Variants in SYNE4 observed in about 807,000 individuals in gnomAD.
SYNE4 encodes spectrin repeat containing nuclear envelope family member 4.
In SYNE4, 41 loss-of-function variants were observed where a neutral mutation model predicts 46.9. That is an observed-to-expected ratio of 0.87 (90% CI 0.68 to 1.13). The LOEUF (loss-of-function observed/expected upper bound fraction) is 1.13, where lower values mean the gene tolerates loss of function less well. Ranked by LOEUF, SYNE4 falls within the 50% of genes most tolerant of loss-of-function variation. The pLI, the probability that SYNE4 is intolerant of heterozygous loss-of-function variation, is 0.00. For missense variants in SYNE4, 492 were observed against 514.8 expected (o/e 0.96, Z 0.43); for synonymous variants, 221 against 219.5 (o/e 1.01, Z -0.06).
rs745908281 is a variant in SYNE4 at position 36,008,624 on chromosome 19, G to A, written c.58C>T (p.Pro20Ser). 3.7e-6 allele frequency: 6 copies of A among 1,614,092 alleles called. No individual in the cohort carries two copies. Among genetic ancestry groups the A allele is most frequent in the South Asian group, 1.1e-5 (1 of 91,086 alleles). The change falls in exon 1 of 8, where the codon CCG becomes TCG. Residue 20 changes from proline (P) to serine (S), a missense_variant. Physicochemically the swap from Pro to Ser is moderately conservative, Grantham distance 74. Coordinates refer to ENST00000324444, the MANE Select transcript of SYNE4 (RefSeq NM_001039876.3). ...RLGSEPLNHP[P>S]GAPREADIVG... ...ATGTCCGCCTCTCTAGGTGCTCCCG[G>A]TGGGTGGTTGAGGGGCTCTGAGCCA...
At position 36,003,666 on chromosome 19, in the gene SYNE4, C is replaced by T. The variant is rs748131078; in HGVS notation, c.978G>A (p.Lys326=). The part of the protein sequence containing the change: ...RHSLLRKPQD[K]KRQASPHLQD... ...GGAGATGAGGAGATGCTTGCCTCTT[C>T]TTGTCCTAAGGAGGGAGAGCAGCCA... is the stretch of plus-strand genomic sequence containing the variant. The change falls in exon 7 of 8, where the codon AAG becomes AAA. Residue 326 remains lysine (K), a synonymous_variant. Coordinates refer to ENST00000324444, the MANE Select transcript of SYNE4 (RefSeq NM_001039876.3). 6.2e-7 allele frequency: 1 copy of T among 1,612,778 alleles called. No individual in the cohort carries two copies. Among genetic ancestry groups the T allele is most frequent in the Non-Finnish European group, 8.5e-7 (1 of 1,179,574 alleles).
rs771594212 is a variant in SYNE4 at position 36,008,206 on chromosome 19, C to G, written c.279+11G>C. 1 of 1,607,698 alleles carries G rather than the reference C, an allele frequency of 6.2e-7. No individual in the cohort carries two copies. The highest frequency in any genetic ancestry group is 1.1e-5 in the South Asian group (1 of 90,224). On this transcript the variant is annotated intron_variant, in intron 2 of 7. Transcript: ENST00000324444. Reference sequence around the variant, plus strand: ...GGGCTGGCACAAGGGGTCTGGGTCACCTCAGCTCACCTCACAGTGTTTGCC... The same window carrying G: ...GGGCTGGCACAAGGGGTCTGGGTCAGCTCAGCTCACCTCACAGTGTTTGCC...
chr19:36,006,020 AAAAAT>A (rs1205986471), intron 5 of SYNE4: 2 of 163,916 alleles, frequency 1.2e-5, no homozygotes, highest in African/African-American at 4.8e-5. Context: ...CTCCATCTCA[AAAAAT>A]AAATAAAAAT....
Position 36,005,518 on chromosome 19 carries a change from CA to C in SYNE4, c.868-82del, listed in dbSNP as rs1976819799. ...TCATAGAGATGAGATTCTGGGGGAG[CA>C]GAGAGATCTCACAGGACAGACAAAG... is the stretch of plus-strand genomic sequence containing the variant. On this transcript the variant is annotated intron_variant, in intron 5 of 7. Transcript: ENST00000324444. 4.6e-6 allele frequency: 6 copies of C among 1,314,916 alleles called. No homozygotes were observed. The African/African-American group carries it at 7.3e-5, about 16-fold the overall frequency. 81.5% of individuals were successfully genotyped at this position (1,314,916 alleles called of 1,614,324 possible). A position where few individuals can be genotyped will look rare whatever the true frequency, so the allele number is the denominator to read the frequency against.
rs1375352434 is a variant in SYNE4, at chr19:36,003,672, C to G, written c.973-1G>C. 1 of 1,612,308 alleles carries G rather than the reference C, an allele frequency of 6.2e-7. No individual in the cohort carries two copies. Among genetic ancestry groups the G allele is most frequent in the Middle Eastern group, 1.7e-4 (1 of 6,014 alleles). ...GAGGAGATGCTTGCCTCTTCTTGTC[C>G]TAAGGAGGGAGAGCAGCCAGCAGCA... On this transcript the variant is annotated splice_acceptor_variant, in intron 6 of 7. Transcript: ENST00000324444. LOFTEE classifies it high-confidence loss of function.
chr19:36,006,023 A>C (rs774614216), intron 5 of SYNE4: 36 of 166,564 alleles, frequency 2.2e-4, no homozygotes, highest in Non-Finnish European at 2.8e-4. Context: ...CATCTCAAAA[A>C]ATAAATAAAA....
At chr19:36,005,551 C>A (rs1976820908) in intron 5 of SYNE4, 114 bp from the exon 6 acceptor site, 1 of 838,822 alleles carries the variant, frequency 1.2e-6, no homozygotes, top group Non-Finnish European at 1.9e-6. Flanking sequence ...AAAGGCAGAG[C>A]CAAAGAAACC....
At position 36,008,655 on chromosome 19, in the gene SYNE4, A is replaced by G. The variant is rs547543775; in HGVS notation, c.27T>C (p.Pro9=). The G allele has an allele frequency of 1.2e-6, 2 of 1,613,464 alleles. No homozygotes were observed. The highest frequency in any genetic ancestry group is 2.2e-5 in the South Asian group (2 of 90,988). The change falls in exon 1 of 8, where the codon CCT becomes CCC. Residue 9 remains proline, a synonymous_variant. Coordinates refer to ENST00000324444, the MANE Select transcript of SYNE4 (RefSeq NM_001039876.3). MALSLPLG[P]RLGSEPLNHP... is the part of the protein sequence containing the mutation. ...GGTTGAGGGGCTCTGAGCCAAGTCT[A>G]GGGCCCAGAGGCAGGGACAGGGCCA...
chr19:36,005,440 G>A lies in SYNE4; in HGVS notation c.868-3C>T. The A allele has an allele frequency of 6.2e-7, 1 of 1,613,886 alleles. No homozygotes were observed. Among genetic ancestry groups the A allele is most frequent in the Non-Finnish European group, 8.5e-7 (1 of 1,179,876 alleles). ...CGGGAGTGAGAGGTGTCTGCTTCCT[G>A]GAGAACCAGCAACAAAGAAAAACGT... is the stretch of plus-strand genomic sequence containing the variant. On this transcript the variant is annotated splice_region_variant and splice_polypyrimidine_tract_variant and intron_variant, in intron 5 of 7. Coordinates refer to ENST00000324444, the MANE Select transcript of SYNE4 (RefSeq NM_001039876.3).
chr19:36,006,558 G>T lies in SYNE4; in HGVS notation c.732C>A (p.Ser244=). 6.2e-7 allele frequency: 1 copy of T among 1,607,170 alleles called. No individual in the cohort carries two copies. Among genetic ancestry groups the T allele is most frequent in the South Asian group, 1.1e-5 (1 of 90,004 alleles). ...CCGCCGGATCCCACTCCAACTCTGT[G>T]GAAGTGGGGAGGCTACTGGGTGCCC... ...GPWAPSSLPT[S]TELEWDPAGD... Residue 244 remains serine (S), a synonymous_variant, in exon 5 of 8, where the codon TCC becomes TCA. Transcript: ENST00000324444.
chr19:36,006,339 G>A, intron 5 of SYNE4, 84 bp downstream of exon 5: 1 of 1,483,742 alleles, frequency 6.7e-7, no homozygotes, highest in Middle Eastern at 2.6e-4. Flanking sequence ...ACACCTCCTT[G>A]GAAGGGCAGG....
At position 36,008,757 on chromosome 19, in the gene SYNE4, GCT is replaced by G; in HGVS notation, c.-78_-77del. On this transcript the variant is annotated 5_prime_UTR_variant, in exon 1 of 8. Coordinates refer to ENST00000324444, the MANE Select transcript of SYNE4 (RefSeq NM_001039876.3). ...CTTCCCTAGACAAGGGTGTCCCAGA[GCT>G]CCTCCGCTGGAGTCACCCGGGCCTG... The G allele has an allele frequency of 6.7e-7, 1 of 1,495,968 alleles. No individual in the cohort carries two copies. The highest frequency in any genetic ancestry group is 8.9e-7 in the Non-Finnish European group (1 of 1,121,988). 92.7% of individuals were successfully genotyped at this position (1,495,968 alleles called of 1,614,324 possible).
Position 36,007,219 on chromosome 19 carries a change from T to A in SYNE4, c.329A>T (p.His110Leu). 4.4e-6 allele frequency: 7 copies of A among 1,589,380 alleles called. No homozygotes were observed. Among genetic ancestry groups the A allele is most frequent in the Non-Finnish European group, 6.0e-6 (7 of 1,168,552 alleles). ...EVLEAEQNSLHLCLLGLGRRL... is the reference protein window; with the variant it reads ...EVLEAEQNSLLLCLLGLGRRL... ...GCGGCCCAGCCCCAGCAGGCACAGG[T>A]GCAGGCTGTTCTGCTCAGCCTCTAG... Residue 110 changes from histidine (H) to leucine (L), a missense_variant, in exon 3 of 8, where the codon CAC (histidine) becomes CTC (leucine). Physicochemically the swap from His to Leu is moderately conservative, Grantham distance 99. Transcript: ENST00000324444.
intron 6 of SYNE4, among the ~76,000 whole-genome samples, chr19:36,004,932 C>A (rs2145344958): frequency 7.9e-6 from 1 of 126,966 alleles, no homozygotes; most frequent in African/African-American, 3.0e-5. Context: ...GACTGGAGTG[C>A]AGTGGTGGGA....
At position 36,003,661 on chromosome 19, in the gene SYNE4, C is replaced by T; in HGVS notation, c.983G>A (p.Arg328Lys). ...SLLRKPQDKK[R>K]QASPHLQDVR... is the part of the protein sequence containing the mutation. ...ATCCTGGAGATGAGGAGATGCTTGC[C>T]TCTTCTTGTCCTAAGGAGGGAGAGC... The change falls in exon 7 of 8, where the codon AGG becomes AAG. Residue 328 changes from arginine (R) to lysine (K), a missense_variant. Physicochemically the swap from Arg to Lys is conservative, Grantham distance 26. Transcript: ENST00000324444. 1 of 1,612,870 alleles carries T rather than the reference C, an allele frequency of 6.2e-7. No homozygotes were observed. Among genetic ancestry groups the T allele is most frequent in the Non-Finnish European group, 8.5e-7 (1 of 1,179,624 alleles).
rs755595726 is a variant in SYNE4, at chr19:36,006,538, G to A, written c.752C>T (p.Pro251Leu). The change falls in exon 5 of 8, where the codon CCG (proline) becomes CTG (leucine). Residue 251 changes from proline (P) to leucine (L), a missense_variant. Pro to Leu is a moderately conservative substitution (Grantham distance 98, BLOSUM62 -3). Transcript: ENST00000324444. The stretch of plus-strand genomic sequence containing the variant: ...CCCAAGGCCCCCAATGTCCCCCGCC[G>A]GATCCCACTCCAACTCTGTGGAAGT... ...LPTSTELEWD[P>L]AGDIGGLGPL... is the part of the protein sequence containing the mutation. The A allele has an allele frequency of 2.1e-5, 33 of 1,606,806 alleles. No homozygotes were observed. The highest frequency in any genetic ancestry group is 1.6e-4 in the Middle Eastern group (1 of 6,066).
intron 1 of SYNE4, 43 bp from the exon 2 acceptor site, chr19:36,008,410 A>G: frequency 1.9e-6 from 3 of 1,564,514 alleles, no homozygotes; most frequent in South Asian, 1.2e-5. Flanking sequence ...TCGACACCTC[A>G]CTTTTCAGCC....
In SYNE4 at chr19:36,006,438, C is replaced by T. The variant is rs776830129; in HGVS notation, c.852G>A (p.Arg284=). The change falls in exon 5 of 8, where the codon AGG becomes AGA. Residue 284 remains arginine (R), a synonymous_variant. Transcript: ENST00000324444. ...CTGCTCTCACCTCAAGGCCTTGTCC[C>T]CTGCCCTGGGGCCCCCTCTGGCCAC... ...ELCGQRGPQG[R]GQGLEEADTS... 1.2e-6 allele frequency: 2 copies of T among 1,610,852 alleles called. No homozygotes were observed. Among genetic ancestry groups the T allele is most frequent in the African/African-American group, 1.3e-5 (1 of 74,842 alleles).
chr19:36,008,523 G>A, intron 1 of SYNE4, 31 bp downstream of exon 1: 2 of 1,612,670 alleles, frequency 1.2e-6, no homozygotes, highest in East Asian at 4.5e-5. Flanking sequence ...CTACCCTTTT[G>A]GGAACAAGCT....
Sources: gnomAD v4.1 joint callset for allele counts (sites outside exome capture counted in the v4.1 genomes callset) on GRCh38, gnomAD v4.1.1 for gene constraint, MANE v1.5 for transcripts, NCBI Gene and HGNC (gene_info 2026-07-23, HGNC 2026-07-21) for gene names.